The following NPAS3 variants were observed in gnomAD, a reference collection of about 807,000 sequenced individuals.
The protein encoded by NPAS3 is neuronal PAS domain protein 3.
A neutral mutation model predicts 73.1 loss-of-function variants in NPAS3; 14 were observed. The ratio of observed to expected loss-of-function variants is 0.19; its 90% CI spans 0.13 to 0.30. The LOEUF (loss-of-function observed/expected upper bound fraction) is 0.30, where lower values mean the gene tolerates loss of function less well. Among genes scored for constraint, NPAS3 ranks in the 10% least tolerant of loss-of-function variants. NPAS3 has a pLI of 1.00. For missense variants in NPAS3, 1,096 were observed against 1,250.0 expected (o/e 0.88, Z 1.86); for synonymous variants, 620 against 541.5 (o/e 1.14, Z -2.01).
chr14:33,434,875 G>T (rs971667684), intron 4 of NPAS3, among the ~76,000 whole-genome samples: 1 of 152,150 alleles, frequency 6.6e-6, no homozygotes, highest in African/African-American at 2.4e-5. Context: ...AGCTAGACTT[G>T]CACTGGGAGG....
At chr14:33,342,986 A>G (rs1449856671) in intron 3 of NPAS3, among the ~76,000 whole-genome samples, 1 of 152,122 alleles carries the variant, frequency 6.6e-6, no homozygotes, top group Non-Finnish European at 1.5e-5. Context: ...CATGCATGTA[A>G]TGTCTCTTTT....
chr14:33,149,519 A>G (rs1055380258), intron 2 of NPAS3, among the ~76,000 whole-genome samples: 2 of 152,096 alleles, frequency 1.3e-5, no homozygotes, highest in Admixed American at 1.3e-4. Context: ...TGATATCACA[A>G]TTTGCTTTGT....
chr14:33,122,616 A>C (rs2043271940), intron 2 of NPAS3, among the ~76,000 whole-genome samples: 1 of 152,114 alleles, frequency 6.6e-6, no homozygotes, highest in African/African-American at 2.4e-5. Context: ...TCCCACCTTC[A>C]TGTTGTGATA....
intron 2 of NPAS3, among the ~76,000 whole-genome samples, chr14:33,066,644 G>T (rs1213835552): frequency 6.6e-6 from 1 of 152,106 alleles, no homozygotes; most frequent in Non-Finnish European, 1.5e-5. Context: ...TGTTTGCTGT[G>T]GTACAGAGTG....
intron 2 of NPAS3, among the ~76,000 whole-genome samples, chr14:33,066,535 G>A (rs2041286598): frequency 6.6e-6 from 1 of 152,202 alleles, no homozygotes; most frequent in Non-Finnish European, 1.5e-5. Context: ...CAGATTTTAA[G>A]TAGAGTATGT....
In NPAS3 at chr14:33,130,134, T is replaced by C. The variant is rs78607160; in HGVS notation, c.140+74140T>C. Reference sequence around the variant, plus strand: ...GATAAGGTATCCATAATTCATTTAATGCAGTTTCTTAAATGGCCAATTCCT... The same window carrying C: ...GATAAGGTATCCATAATTCATTTAACGCAGTTTCTTAAATGGCCAATTCCT... On this transcript the variant is annotated intron_variant, in intron 2 of 11. Transcript: ENST00000356141. Among the ~76,000 whole-genome samples, 165 of 152,368 alleles carry C rather than the reference T, an allele frequency of 1.1e-3. 3 individuals carry two copies. In the East Asian group the frequency reaches 0.024, roughly 22 times the overall value.
chr14:33,717,230 C>CAAAAAAA (rs35800734), intron 6 of NPAS3, among the ~76,000 whole-genome samples: 1 of 102,218 alleles, frequency 9.8e-6, no homozygotes, highest in Non-Finnish European at 2.0e-5. Flanking sequence ...TGATCATGGC[C>CAAAAAAA]AAAAAAAAAA....
chr14:33,181,076 G>A (rs1040129912), intron 2 of NPAS3, among the ~76,000 whole-genome samples: 4 of 152,076 alleles, frequency 2.6e-5, no homozygotes, highest in African/African-American at 9.7e-5. Flanking sequence ...CACCTCATAT[G>A]GCATTTATGT....
intron 4 of NPAS3, among the ~76,000 whole-genome samples, chr14:33,506,328 G>T (rs527382417): frequency 6.6e-6 from 1 of 152,060 alleles, no homozygotes; most frequent in East Asian, 1.9e-4. Context: ...GAAGCAGGAG[G>T]TATCTTTCCT....
intron 5 of NPAS3, chr14:33,578,118 G>A (rs2056515999): frequency 2.2e-6 from 1 of 455,736 alleles, no homozygotes; most frequent in Admixed American, 2.4e-5. Context: ...TCCCTTTGCT[G>A]CTTTGAGAGT....
chr14:33,372,255 G>T (rs1163591530), intron 4 of NPAS3, among the ~76,000 whole-genome samples: 1 of 152,082 alleles, frequency 6.6e-6, no homozygotes. Context: ...GTGTCCCTTT[G>T]TGTGGAGGAT....
At chr14:33,038,494 T>C in intron 1 of NPAS3, among the ~76,000 whole-genome samples, 1 of 151,840 alleles carries the variant, frequency 6.6e-6, no homozygotes, top group South Asian at 2.1e-4. Flanking sequence ...TGTTAAAGTA[T>C]CTGTCTATTT....
At chr14:33,202,556 C>CT (rs1266909486) in intron 2 of NPAS3, among the ~76,000 whole-genome samples, 1 of 151,716 alleles carries the variant, frequency 6.6e-6, no homozygotes, top group Admixed American at 6.6e-5. Context: ...AGGACTGAGC[C>CT]TTTTTTTTAA....
intron 4 of NPAS3, among the ~76,000 whole-genome samples, chr14:33,466,529 A>G (rs897474612): frequency 6.6e-6 from 1 of 152,188 alleles, no homozygotes; most frequent in Non-Finnish European, 1.5e-5. Flanking sequence ...TACTCCTTGT[A>G]TTAGTCAGTT....
rs547031843 is a variant in NPAS3 at position 33,167,923 on chromosome 14, C to T, written c.141-47259C>T. Among the ~76,000 whole-genome samples the T allele has an allele frequency of 4.6e-5, 7 of 152,306 alleles. No individual in the cohort carries two copies. The South Asian group carries it at 1.5e-3, about 32-fold the overall frequency. ...GAATGAGGCAGCTTTAGGAAAATTC[C>T]ATGCCCTGGGAGATGCGATCGCCTA... On this transcript the variant is annotated intron_variant, in intron 2 of 11. Transcript: ENST00000356141.
chr14:33,315,054 A>G (rs1375080377), intron 3 of NPAS3, among the ~76,000 whole-genome samples: 1 of 152,070 alleles, frequency 6.6e-6, no homozygotes, highest in Admixed American at 6.6e-5. Flanking sequence ...CTGTGTAAAT[A>G]CTGTAGGGGT....
intron 1 of NPAS3, among the ~76,000 whole-genome samples, chr14:33,043,711 G>C (rs2040416284): frequency 6.6e-6 from 1 of 152,014 alleles, no homozygotes; most frequent in Non-Finnish European, 1.5e-5. Context: ...GACTTACACA[G>C]CACAGGATTG....
At chr14:33,436,712 C>T (rs1317914971) in intron 4 of NPAS3, among the ~76,000 whole-genome samples, 1 of 152,184 alleles carries the variant, frequency 6.6e-6, no homozygotes, top group East Asian at 1.9e-4. Flanking sequence ...CAACCTATTT[C>T]TTCAGTGTGA....
intron 4 of NPAS3, among the ~76,000 whole-genome samples, chr14:33,553,179 G>T (rs2055199258): frequency 6.6e-6 from 1 of 152,296 alleles, no homozygotes; most frequent in South Asian, 2.1e-4. Context: ...CTCAAGGCTG[G>T]AAGTAAAGCC....
Sources: allele counts gnomAD v4.1 joint callset (sites outside exome capture counted in the v4.1 genomes callset), GRCh38; gene constraint gnomAD v4.1.1; transcripts MANE v1.5; gene names NCBI Gene and HGNC (gene_info 2026-07-23, HGNC 2026-07-21).